The following MACROD2 variants were observed in gnomAD, a reference collection of about 807,000 sequenced individuals.
MACROD2 encodes mono-ADP ribosylhydrolase 2, also known as ADP-ribose glycohydrolase MACROD2.
MACROD2 carries 36 observed loss-of-function variants against 70.4 expected under a neutral mutation model. That is an observed-to-expected ratio of 0.51 (90% CI 0.39 to 0.68). MACROD2 has a LOEUF of 0.68. Among genes scored for constraint, MACROD2 ranks in the 30% least tolerant of loss-of-function variants. The probability of loss-of-function intolerance (pLI) is 0.00; values close to 1 mark genes in which losing one functional copy is unlikely to be tolerated. For missense variants in MACROD2, 496 were observed against 538.4 expected, an observed-to-expected ratio of 0.92 and a Z score of 0.78; for synonymous variants, 172 against 178.8, an observed-to-expected ratio of 0.96 and a Z score of 0.30.
intron 12 of MACROD2, among the ~76,000 whole-genome samples, chr20:15,964,723 T>A (rs890821333): frequency 6.6e-6 from 1 of 152,200 alleles, no homozygotes; most frequent in African/African-American, 2.4e-5. Flanking sequence ...AGATCCATGA[T>A]TGAAAACATA....
At chr20:14,580,867 A>G (rs1055026906) in intron 4 of MACROD2, among the ~76,000 whole-genome samples, 6 of 152,234 alleles carry the variant, frequency 3.9e-5, no homozygotes, top group African/African-American at 1.4e-4. Context: ...GCAAACATCC[A>G]GTAGCAGATT....
At chr20:15,902,348 T>C in intron 10 of MACROD2, among the ~76,000 whole-genome samples, 1 of 152,194 alleles carries the variant, frequency 6.6e-6, no homozygotes. Context: ...ATATTCTATA[T>C]ATAAAATAGA....
At chr20:14,863,441 A>G (rs756317331) in intron 5 of MACROD2, among the ~76,000 whole-genome samples, 55 of 152,114 alleles carry the variant, frequency 3.6e-4, no homozygotes, top group Admixed American at 1.1e-3. Context: ...GAACACGACT[A>G]TTTTATATCA....
chr20:14,372,173 C>T lies in MACROD2; in HGVS notation c.272-121306C>T, dbSNP rs187287309. On this transcript the variant is annotated intron_variant, in intron 3 of 17. Coordinates refer to ENST00000684519, the MANE Select transcript of MACROD2 (RefSeq NM_001351661.2). ...TTGTGTGTTGTATGAACGCTGTACT[C>T]GGAAGTACTACATCATGCTGTCCTA... Among the ~76,000 whole-genome samples the T allele has an allele frequency of 3.5e-3, 530 of 152,200 alleles. 1 individual carries two copies. Among genetic ancestry groups the T allele is most frequent in the Non-Finnish European group, 5.3e-3 (361 of 68,012 alleles).
chr20:14,026,927 C>T (rs1466966340), intron 2 of MACROD2, among the ~76,000 whole-genome samples: 1 of 152,156 alleles, frequency 6.6e-6, no homozygotes, highest in Non-Finnish European at 1.5e-5. Context: ...AGTGGATCTC[C>T]CAGCACAGCG....
chr20:15,276,375 G>C (rs1359053392), intron 6 of MACROD2, among the ~76,000 whole-genome samples: 1 of 139,900 alleles, frequency 7.1e-6, no homozygotes, highest in Admixed American at 7.4e-5. Context: ...ACTCTGGCCT[G>C]GGCGACAGAG....
chr20:14,275,865 A>C (rs1301786066), intron 3 of MACROD2, among the ~76,000 whole-genome samples: 1 of 152,200 alleles, frequency 6.6e-6, no homozygotes, highest in Non-Finnish European at 1.5e-5. Context: ...CAGCCAAAAA[A>C]CACATGAAAA....
chr20:14,077,924 C>G (rs191094033), intron 2 of MACROD2, among the ~76,000 whole-genome samples: 1,403 of 138,506 alleles, frequency 0.01, 9 homozygotes, highest in Non-Finnish European at 0.014. Context: ...TTTTTTGAGA[C>G]GGAGTTTCAC....
Position 15,937,993 on chromosome 20 carries a change from CTT to C in MACROD2, c.907+451_907+452del, listed in dbSNP as rs1051042552. Among the ~76,000 whole-genome samples the C allele has an allele frequency of 1.2e-4, 18 of 151,794 alleles. No homozygotes were observed. The East Asian group carries it at 2.1e-3, about 18-fold the overall frequency. On this transcript the variant is annotated intron_variant, in intron 12 of 17. Coordinates refer to ENST00000684519, the MANE Select transcript of MACROD2 (RefSeq NM_001351661.2). ...TTGAAAGGCATCCTTAGAAATGAAT[CTT>C]TGGCAAGAGCATCATTCTCCATTCT...
chr20:14,488,974 C>T (rs893889529), intron 3 of MACROD2, among the ~76,000 whole-genome samples: 3 of 152,204 alleles, frequency 2.0e-5, no homozygotes, highest in South Asian at 4.1e-4. Context: ...TCTCTGATGC[C>T]TTTTCACCTA....
chr20:14,840,733 GGAAAGGTCATTTCAGGA>G (rs1352385953), intron 5 of MACROD2, among the ~76,000 whole-genome samples: 1 of 152,124 alleles, frequency 6.6e-6, no homozygotes, highest in African/African-American at 2.4e-5. Flanking sequence ...GTTCTTTCAA[GGAAAGGTCATTTCAGGA>G]ACATAAGAAG....
intron 5 of MACROD2, among the ~76,000 whole-genome samples, chr20:15,142,206 G>GA (rs1169944025): frequency 6.6e-6 from 1 of 152,118 alleles, no homozygotes; most frequent in Non-Finnish European, 1.5e-5. Context: ...TAACTACTAA[G>GA]ACTCAATAAA....
intron 12 of MACROD2, among the ~76,000 whole-genome samples, chr20:15,954,835 A>G (rs905864011): frequency 2.6e-5 from 4 of 152,186 alleles, no homozygotes; most frequent in Non-Finnish European, 5.9e-5. Context: ...ATCAGTTTCT[A>G]TTCTAAGAAC....
chr20:15,021,711 T>TG (rs1247572016), intron 5 of MACROD2: 3 of 151,950 alleles, frequency 2.0e-5, no homozygotes, highest in Non-Finnish European at 1.5e-5. Flanking sequence ...GGGAAAGAGA[T>TG]GGCTGGGTGG....
At chr20:14,218,220 AT>A (rs2081640524) in intron 3 of MACROD2, among the ~76,000 whole-genome samples, 1 of 152,158 alleles carries the variant, frequency 6.6e-6, no homozygotes, top group Non-Finnish European at 1.5e-5. Flanking sequence ...TATGTTTAGA[AT>A]TGTGATATTT....
In MACROD2 at chr20:14,304,937, A is replaced by G. The variant is rs74863945; in HGVS notation, c.272-188542A>G. Among the ~76,000 whole-genome samples the G allele has an allele frequency of 4.7e-3, 722 of 152,224 alleles. 2 individuals carry two copies. The highest frequency in any genetic ancestry group is 0.016 in the African/African-American group (676 of 41,538). The stretch of plus-strand genomic sequence containing the variant: ...TTGCGCTTGTGATTACCTCTGTCTA[A>G]TGCTCTTCCACTAGTTGAGTAATTT... On this transcript the variant is annotated intron_variant, in intron 3 of 17. Coordinates refer to ENST00000684519, the MANE Select transcript of MACROD2 (RefSeq NM_001351661.2).
At chr20:14,887,956 T>C (rs2122495376) in intron 5 of MACROD2, 1 of 151,184 alleles carries the variant, frequency 6.6e-6, no homozygotes, top group South Asian at 2.1e-4. Context: ...AAATTGCACA[T>C]AGGAAGAACA....
intron 16 of MACROD2, among the ~76,000 whole-genome samples, chr20:16,043,074 G>A (rs2067329344): frequency 6.6e-6 from 1 of 151,986 alleles, no homozygotes; most frequent in Admixed American, 6.6e-5. Flanking sequence ...CTATAACAAG[G>A]GTGGCCATTA....
Position 15,952,570 on chromosome 20 carries a change from G to A in MACROD2, c.908-14983G>A, listed in dbSNP as rs544825421. 2.0e-5 allele frequency among the ~76,000 whole-genome samples: 3 copies of A among 152,136 alleles called. No individual in the cohort carries two copies. In the South Asian group the frequency reaches 6.2e-4, roughly 32 times the overall value. On this transcript the variant is annotated intron_variant, in intron 12 of 17. Coordinates refer to ENST00000684519, the MANE Select transcript of MACROD2 (RefSeq NM_001351661.2). Reference sequence around the variant, plus strand: ...ACCAGCATCAGCAGGAGGAAAAGCAGGTAAACACCACCAAGCATCCAGCTC... The same window carrying A: ...ACCAGCATCAGCAGGAGGAAAAGCAAGTAAACACCACCAAGCATCCAGCTC...
Sources: allele counts gnomAD v4.1 joint callset (sites outside exome capture counted in the v4.1 genomes callset), GRCh38; gene constraint gnomAD v4.1.1; transcripts MANE v1.5; gene names NCBI Gene and HGNC (gene_info 2026-07-23, HGNC 2026-07-21).